The following ADAMTS3 variants were observed in gnomAD, a reference collection of about 807,000 sequenced individuals.
ADAMTS3 encodes the protein A disintegrin and metalloproteinase with thrombospondin motifs 3.
ADAMTS3 carries 73 observed loss-of-function variants against 129.0 expected under a neutral mutation model. The observed-to-expected ratio is 0.57, with a 90% CI of 0.47 to 0.69. The LOEUF (loss-of-function observed/expected upper bound fraction) is 0.69, where lower values mean the gene tolerates loss of function less well. Ranked by LOEUF, ADAMTS3 falls within the 30% of genes least tolerant of loss-of-function variation. The pLI is 0.00. For missense variants in ADAMTS3, 1,457 were observed against 1,514.5 expected (o/e 0.96, Z 0.63); for synonymous variants, 477 against 510.8 (o/e 0.93, Z 0.89).
chr4:72,379,128 T>C (rs2109876714), intron 4 of ADAMTS3, among the ~76,000 whole-genome samples: 1 of 152,234 alleles, frequency 6.6e-6, no homozygotes, highest in Non-Finnish European at 1.5e-5. Flanking sequence ...AGCACACCCA[T>C]GATAATCTCC....
chr4:72,484,435 T>G (rs1719523066), intron 3 of ADAMTS3, among the ~76,000 whole-genome samples: 1 of 152,208 alleles, frequency 6.6e-6, no homozygotes, highest in African/African-American at 2.4e-5. Flanking sequence ...TACAGCATAC[T>G]TAAAGCAGGG....
intron 17 of ADAMTS3, among the ~76,000 whole-genome samples, chr4:72,299,947 T>C (rs748550102): frequency 2.0e-5 from 3 of 152,162 alleles, no homozygotes; most frequent in Non-Finnish European, 2.9e-5. Flanking sequence ...TTGATTTTCA[T>C]GTAGCTTTCA....
chr4:72,488,850 AACT>A (rs1471592555), intron 3 of ADAMTS3, among the ~76,000 whole-genome samples: 2 of 151,886 alleles, frequency 1.3e-5, no homozygotes, highest in Non-Finnish European at 2.9e-5. Context: ...AAAATACAAC[AACT>A]ATAGTCACCA....
chr4:72,342,485 T>A (rs1466479386), intron 4 of ADAMTS3, among the ~76,000 whole-genome samples: 1 of 150,446 alleles, frequency 6.6e-6, no homozygotes, highest in Non-Finnish European at 1.5e-5. Context: ...TGCCTCAACC[T>A]CCCGAGTAGC....
intron 3 of ADAMTS3, among the ~76,000 whole-genome samples, chr4:72,503,301 G>A (rs573475855): frequency 6.6e-5 from 10 of 152,226 alleles, no homozygotes; most frequent in Admixed American, 2.6e-4. Context: ...GATTATAGCC[G>A]TGAGACACCA....
intron 3 of ADAMTS3, among the ~76,000 whole-genome samples, chr4:72,467,429 C>A (rs1400911676): frequency 6.6e-6 from 1 of 152,014 alleles, no homozygotes; most frequent in Admixed American, 6.6e-5. Context: ...TGAAAACCTG[C>A]AAATGGCTCC....
intron 4 of ADAMTS3, among the ~76,000 whole-genome samples, chr4:72,375,616 C>A (rs1721116092): frequency 6.6e-6 from 1 of 152,048 alleles, no homozygotes; most frequent in African/African-American, 2.4e-5. Flanking sequence ...AAAAAGTGAT[C>A]ATCAGGCAGG....
intron 4 of ADAMTS3, among the ~76,000 whole-genome samples, chr4:72,363,953 A>G (rs1411238574): frequency 6.6e-6 from 1 of 152,192 alleles, no homozygotes. Flanking sequence ...AGAACAATGT[A>G]AAGAATAAAA....
chr4:72,311,094 C>T lies in ADAMTS3; in HGVS notation c.2009G>A (p.Cys670Tyr). 1.2e-6 allele frequency: 2 copies of T among 1,612,284 alleles called. No individual in the cohort carries two copies. Among genetic ancestry groups the T allele is most frequent in the Non-Finnish European group, 1.7e-6 (2 of 1,178,786 alleles). ...MKQLVHDGTH[C>Y]SYKDPYSICV... ...TATGCTATATGGATCTTTGTAAGAA[C>T]AGTGCGTTCCATCATGCACCAGTTG... Residue 670 changes from cysteine to tyrosine, a missense_variant, in exon 14 of 22, where the codon TGT (cysteine) becomes TAT (tyrosine). Coordinates refer to ENST00000286657, the MANE Select transcript of ADAMTS3 (RefSeq NM_014243.3).
At chr4:72,316,592 G>A (rs191777393) in intron 10 of ADAMTS3, among the ~76,000 whole-genome samples, 1 of 152,156 alleles carries the variant, frequency 6.6e-6, no homozygotes, top group East Asian at 1.9e-4. Flanking sequence ...GGAGGCTGAG[G>A]CAGGAGAATC....
intron 10 of ADAMTS3, among the ~76,000 whole-genome samples, chr4:72,317,200 A>T (rs891464269): frequency 3.3e-5 from 5 of 152,218 alleles, no homozygotes; most frequent in African/African-American, 4.8e-5. Flanking sequence ...TTATTAGTAC[A>T]CATTTTTAGA....
intron 4 of ADAMTS3, among the ~76,000 whole-genome samples, chr4:72,388,437 T>C (rs1045384716): frequency 2.0e-5 from 3 of 152,174 alleles, no homozygotes; most frequent in African/African-American, 7.2e-5. Context: ...TTCCCTACAA[T>C]GCAATGTGCC....
At chr4:72,317,900 A>G (rs1719441834) in intron 10 of ADAMTS3, among the ~76,000 whole-genome samples, 1 of 151,974 alleles carries the variant, frequency 6.6e-6, no homozygotes, top group Non-Finnish European at 1.5e-5. Context: ...GTGGTGGTGC[A>G]TGCCTGTAAT....
At chr4:72,507,310 C>G (rs947766924) in intron 3 of ADAMTS3, among the ~76,000 whole-genome samples, 15 of 152,178 alleles carry the variant, frequency 9.9e-5, no homozygotes, top group African/African-American at 3.4e-4. Flanking sequence ...TGCTGAGTCT[C>G]AGCAGCTCTG....
At chr4:72,337,687 T>C (rs1314129706) in intron 5 of ADAMTS3, among the ~76,000 whole-genome samples, 1 of 152,182 alleles carries the variant, frequency 6.6e-6, no homozygotes, top group Non-Finnish European at 1.5e-5. Flanking sequence ...TATCACTTCA[T>C]GATTGGATAA....
intron 15 of ADAMTS3, 103 bp downstream of exon 15, chr4:72,309,294 T>C (rs1181767492): frequency 8.4e-7 from 1 of 1,192,050 alleles, no homozygotes; most frequent in African/African-American, 1.5e-5. Flanking sequence ...CAGCTAAATT[T>C]TGATTATGTT....
At chr4:72,319,496 A>C (rs1200910710) in intron 8 of ADAMTS3, 21 bp from the exon 9 acceptor site, 7 of 1,598,536 alleles carry the variant, frequency 4.4e-6, no homozygotes, top group Non-Finnish European at 5.1e-6. Flanking sequence ...AAGAGACCTC[A>C]GTGGTAAGAA....
chr4:72,443,044 A>G (rs1287440787), intron 3 of ADAMTS3, among the ~76,000 whole-genome samples: 1 of 151,744 alleles, frequency 6.6e-6, no homozygotes, highest in Non-Finnish European at 1.5e-5. Flanking sequence ...CAATGATGCA[A>G]TGGAGTAATG....
At chr4:72,391,609 T>C (rs992067423) in intron 4 of ADAMTS3, among the ~76,000 whole-genome samples, 1 of 152,186 alleles carries the variant, frequency 6.6e-6, no homozygotes, top group Admixed American at 6.5e-5. Flanking sequence ...TAATAAACTT[T>C]ACTTGCGCCA....
Sources: gnomAD v4.1 joint callset for allele counts (sites outside exome capture counted in the v4.1 genomes callset) on GRCh38, gnomAD v4.1.1 for gene constraint, MANE v1.5 for transcripts, NCBI Gene and HGNC (gene_info 2026-07-23, HGNC 2026-07-21) for gene names.